DEPDC5: variants seen among roughly 807,000 people sequenced by gnomAD.
DEPDC5 encodes the protein DEP domain containing 5, GATOR1 subcomplex subunit, also known as GATOR1 complex protein DEPDC5.
A neutral mutation model predicts 217.3 loss-of-function variants in DEPDC5; 73 were observed. The ratio of observed to expected loss-of-function variants is 0.34; its 90% CI spans 0.28 to 0.41. The LOEUF is 0.41. Ranked by LOEUF, DEPDC5 falls within the 10% of genes least tolerant of loss-of-function variation. DEPDC5 has a pLI of 1.00. For synonymous variants in DEPDC5, 733 were observed against 756.7 expected, an observed-to-expected ratio of 0.97 and a Z score of 0.51; for missense variants, 1,675 against 2,070.1, an observed-to-expected ratio of 0.81 and a Z score of 3.70.
chr22:31,827,069 C>T (rs1009459151), intron 24 of DEPDC5, among the ~76,000 whole-genome samples: 1 of 151,888 alleles, frequency 6.6e-6, no homozygotes, highest in Non-Finnish European at 1.5e-5. Flanking sequence ...TAATTATATA[C>T]GTATGCTCTG....
chr22:31,821,226 A>G (rs527434986), intron 22 of DEPDC5, among the ~76,000 whole-genome samples: 4 of 152,348 alleles, frequency 2.6e-5, no homozygotes, highest in African/African-American at 9.6e-5. Context: ...CTATACTTGT[A>G]TATTTCACTG....
chr22:31,830,630 CGTGTGTGTGTGTGTGTGTGTGTGTGT>C (rs34078350), intron 24 of DEPDC5, among the ~76,000 whole-genome samples: 1 of 142,464 alleles, frequency 7.0e-6, no homozygotes, highest in Non-Finnish European at 1.5e-5. Context: ...TATGCGTGTA[CGTGTGTGTGTGTGTGTGTGTGTGTGT>C]GTGTGTGTGT....
chr22:31,842,465 C>T (rs1441260585), intron 27 of DEPDC5, among the ~76,000 whole-genome samples: 3 of 151,446 alleles, frequency 2.0e-5, no homozygotes, highest in Admixed American at 6.6e-5. Context: ...ATCCCAGCTA[C>T]TCGGGAGGCT....
At chr22:31,891,105 G>T in intron 38 of DEPDC5, 1 of 409,184 alleles carries the variant, frequency 2.4e-6, no homozygotes, top group Admixed American at 3.5e-5. Flanking sequence ...CACAATCTAG[G>T]TCAATCTTAA....
chr22:31,903,927 C>T (rs568633910), intron 41 of DEPDC5, among the ~76,000 whole-genome samples: 1 of 151,980 alleles, frequency 6.6e-6, no homozygotes, highest in Non-Finnish European at 1.5e-5. Context: ...TAGCAAGGTG[C>T]CTGCCTAGAG....
At chr22:31,900,926 A>C (rs1016817822) in intron 40 of DEPDC5, among the ~76,000 whole-genome samples, 13 of 151,570 alleles carry the variant, frequency 8.6e-5, no homozygotes, top group South Asian at 8.4e-4. Flanking sequence ...AAGATTTAAA[A>C]ATTAAAAATT....
chr22:31,764,891 CT>C (rs1277857959), intron 4 of DEPDC5, 83 bp from the exon 5 acceptor site: 15 of 972,450 alleles, frequency 1.5e-5, no homozygotes, highest in Non-Finnish European at 2.5e-5. Flanking sequence ...GTGTTGCTTA[CT>C]GAGTTGAGTG....
chr22:31,880,555 A>G (rs759121290), intron 38 of DEPDC5, among the ~76,000 whole-genome samples: 9 of 152,220 alleles, frequency 5.9e-5, no homozygotes, highest in Admixed American at 3.3e-4. Context: ...CGCCCAGCTA[A>G]TTGGAATCCT....
intron 31 of DEPDC5, among the ~76,000 whole-genome samples, chr22:31,847,467 C>T (rs2091805408): frequency 6.6e-6 from 1 of 152,150 alleles, no homozygotes; most frequent in Admixed American, 6.5e-5. Flanking sequence ...ACTCACAGTT[C>T]TGCAGGGCTG....
chr22:31,855,807 A>AT (rs1027122102), intron 31 of DEPDC5, among the ~76,000 whole-genome samples: 12 of 151,532 alleles, frequency 7.9e-5, no homozygotes, highest in Non-Finnish European at 1.8e-4. Flanking sequence ...ATATGTTTGT[A>AT]TTTTTTCAGA....
At chr22:31,834,077 G>T (rs181824562) in intron 25 of DEPDC5, 97 bp downstream of exon 25, 1 of 1,218,100 alleles carries the variant, frequency 8.2e-7, no homozygotes, top group Admixed American at 1.7e-5. Flanking sequence ...GAAGTGAGTG[G>T]TCCTGAGGTA....
At chr22:31,816,359 G>A (rs2089123017) in intron 21 of DEPDC5, 1 of 147,156 alleles carries the variant, frequency 6.8e-6, no homozygotes, top group South Asian at 2.2e-4. Context: ...ACTTTTATTT[G>A]CATTGATTTT....
chr22:31,770,320 AAAC>A (rs2148194891), intron 7 of DEPDC5, among the ~76,000 whole-genome samples: 1 of 152,008 alleles, frequency 6.6e-6, no homozygotes, highest in East Asian at 1.9e-4. Context: ...CTCTCCCCAG[AAAC>A]AACTTGTTTC....
At chr22:31,788,410 G>C (rs1193876447) in intron 10 of DEPDC5, among the ~76,000 whole-genome samples, 1 of 150,802 alleles carries the variant, frequency 6.6e-6, no homozygotes, top group Admixed American at 6.6e-5. Flanking sequence ...TAGTAGCTAG[G>C]ACTACAGGCA....
intron 24 of DEPDC5, among the ~76,000 whole-genome samples, chr22:31,824,975 CAAA>C (rs1180812774): frequency 1.3e-4 from 10 of 74,952 alleles, no homozygotes; most frequent in Admixed American, 1.6e-4. Context: ...GACTCCGTCT[CAAA>C]AAAAAAAAAA....
intron 18 of DEPDC5, 131 bp from the exon 19 acceptor site, chr22:31,809,480 C>A: frequency 2.2e-6 from 2 of 910,818 alleles, no homozygotes; most frequent in Non-Finnish European, 3.5e-6. Flanking sequence ...AGGTAGGTGT[C>A]AGATGTTAGC....
In DEPDC5 at chr22:31,802,727, C is replaced by T. The variant is rs745966290; in HGVS notation, c.970C>T (p.Arg324Cys). The T allele has an allele frequency of 1.9e-6, 3 of 1,588,456 alleles. No homozygotes were observed. The highest frequency in any genetic ancestry group is 2.6e-6 in the Non-Finnish European group (3 of 1,167,986). The change falls in exon 15 of 43, where the codon CGC becomes TGC. Residue 324 changes from arginine (R) to cysteine (C), a missense_variant. Physicochemically the swap from Arg to Cys is radical, Grantham distance 180. Coordinates refer to ENST00000651528, the MANE Select transcript of DEPDC5 (RefSeq NM_001242896.3). ...AGTGTTTGATAAGCACTACATCAAC[C>T]GCAACTTTGACCGAACTGGGCAGAT... ...FNVFDKHYIN[R>C]NFDRTGQMSV...
intron 19 of DEPDC5, 68 bp from the exon 20 acceptor site, chr22:31,810,453 G>A (rs1325254916): frequency 1.3e-6 from 2 of 1,599,234 alleles, no homozygotes; most frequent in African/African-American, 2.7e-5. Context: ...TATTATTTGT[G>A]TATTTCAGCT....
At chr22:31,779,914 C>T (rs2084256085) in intron 8 of DEPDC5, among the ~76,000 whole-genome samples, 1 of 152,012 alleles carries the variant, frequency 6.6e-6, no homozygotes, top group Non-Finnish European at 1.5e-5. Flanking sequence ...GTGTACCTTC[C>T]CACCAAGTCA....
Sources: gnomAD v4.1 joint callset for allele counts (sites outside exome capture counted in the v4.1 genomes callset) on GRCh38, gnomAD v4.1.1 for gene constraint, MANE v1.5 for transcripts, NCBI Gene and HGNC (gene_info 2026-07-23, HGNC 2026-07-21) for gene names.